ATG9B: variants seen among roughly 807,000 people sequenced by gnomAD.
ATG9B encodes autophagy related 9B.
In ATG9B, 92 loss-of-function variants were observed where a neutral mutation model predicts 92.9. That is an observed-to-expected ratio of 0.99 (90% CI 0.84 to 1.18). The LOEUF (loss-of-function observed/expected upper bound fraction) is 1.18. ATG9B is among the 50% of genes most tolerant of loss of function. The probability of loss-of-function intolerance (pLI) is 0.00; values close to 1 mark genes in which losing one functional copy is unlikely to be tolerated. For synonymous variants in ATG9B, 599 were observed against 551.4 expected, an observed-to-expected ratio of 1.09 and a Z score of -1.21; for missense variants, 1,344 against 1,235.0, an observed-to-expected ratio of 1.09 and a Z score of -1.32.
intron 4 of ATG9B, 51 bp from the exon 5 acceptor site, chr7:151,021,380 G>C (rs1258268816): frequency 1.3e-6 from 2 of 1,525,370 alleles, no homozygotes; most frequent in South Asian, 2.6e-5. Flanking sequence ...GCCTGAGAAA[G>C]AGGCAGACCA....
rs1340750250 is a variant in ATG9B at position 151,018,128 on chromosome 7, G to A, written c.1873-78C>T. 3.4e-6 allele frequency: 5 copies of A among 1,479,188 alleles called. No homozygotes were observed. Among genetic ancestry groups the A allele is most frequent in the South Asian group, 1.4e-5 (1 of 72,772 alleles). 91.6% of individuals were successfully genotyped at this position (1,479,188 alleles called of 1,614,324 possible). A position where few individuals can be genotyped will look rare whatever the true frequency, so the allele number is the denominator to read the frequency against. On this transcript the variant is annotated intron_variant, in intron 7 of 13. Coordinates refer to ENST00000639579, the MANE Select transcript of ATG9B (RefSeq NM_001317056.2). The surrounding 1 kb of genome is among the most constrained non-coding windows in gnomAD (Gnocchi z 4.7). ...TTATCAGGACCAAGCAGTCCCCAGC[G>A]ACCCTCGCCAGGGCAAGAAGCCTCC...
downstream of ATG9B, chr7:151,012,265 G>T (rs896866355): frequency 5.0e-5 from 59 of 1,188,800 alleles, 1 homozygote; most frequent in South Asian, 8.8e-4. Context: ...AAGAACTTGG[G>T]TCCTCCTTGC....
At chr7:151,013,846 C>T (rs529588969), downstream of ATG9B, 52 of 1,605,750 alleles carry the variant, frequency 3.2e-5, no homozygotes, top group South Asian at 5.2e-4. Flanking sequence ...TCCTGCAGAC[C>T]GTGCAGCGCA....
chr7:151,017,347 C>G (rs990421143), intron 8 of ATG9B, 75 bp from the exon 9 acceptor site: 45 of 1,383,882 alleles, frequency 3.3e-5, no homozygotes, highest in Non-Finnish European at 4.4e-5. Flanking sequence ...GAAACACTGC[C>G]CCATCTTCCA....
In ATG9B at chr7:151,023,192, A is replaced by C; in HGVS notation, c.674T>G (p.Ile225Ser). Residue 225 changes from isoleucine to serine, a missense_variant, in exon 4 of 14, where the codon ATT becomes AGT. Transcript: ENST00000639579. ...DVFQLGQFIF[I>S]VTFTTFLLRC... ...AAGGAGGAAGGTTGTGAAGGTGACA[A>C]TGAAAATAAATTGTCTGCCGGGAGG... 6.2e-7 allele frequency: 1 copy of C among 1,614,188 alleles called. No individual in the cohort carries two copies. The highest frequency in any genetic ancestry group is 8.5e-7 in the Non-Finnish European group (1 of 1,180,038).
chr7:151,013,397 C>G (rs776251354), downstream of ATG9B: 2 of 1,603,498 alleles, frequency 1.2e-6, no homozygotes, highest in Admixed American at 3.4e-5. Context: ...ACCCTGAGGG[C>G]GCAATGGTAA....
In ATG9B at chr7:151,016,182, G is replaced by T. The variant is rs3918219; in HGVS notation, c.2574C>A (p.Ile858=). Residue 858 remains isoleucine, a synonymous_variant, in exon 12 of 14, where the codon ATC becomes ATA. Coordinates refer to ENST00000639579, the MANE Select transcript of ATG9B (RefSeq NM_001317056.2). The part of the protein sequence containing the change: ...QEPWGEAAAS[I]LSRPCSSPSQ... ...AGGGGCTGGAGCAGGGCCTGGACAG[G>T]ATGGAGGCTGCAGCCTCACCCCACG... 5 of 1,528,116 alleles carry T rather than the reference G, an allele frequency of 3.3e-6. No individual in the cohort carries two copies. Among genetic ancestry groups the T allele is most frequent in the Non-Finnish European group, 4.4e-6 (5 of 1,134,512 alleles). 94.7% of individuals were successfully genotyped at this position (1,528,116 alleles called of 1,614,324 possible).
In ATG9B at chr7:151,017,062, C is replaced by T; in HGVS notation, c.2263G>A (p.Val755Met). 6.2e-7 allele frequency: 1 copy of T among 1,601,082 alleles called. No individual in the cohort carries two copies. Among genetic ancestry groups the T allele is most frequent in the African/African-American group, 1.3e-5 (1 of 74,752 alleles). ...AGGGGCGAGGTGCAGTTGCTGAGCA[C>T]CCCCGGGGTGGAGGGGCCGCGAGCC... Reference protein sequence around the residue: ...TSARGPSTPGVLSNCTSPLPE... With the variant: ...TSARGPSTPGMLSNCTSPLPE... Residue 755 changes from valine to methionine, a missense_variant, in exon 9 of 14, where the codon GTG (valine) becomes ATG (methionine). By Grantham distance (21) the Val-to-Met change is conservative. Transcript: ENST00000639579.
chr7:151,014,201 A>T (rs1368835761), downstream of ATG9B: 3 of 1,574,412 alleles, frequency 1.9e-6, no homozygotes, highest in African/African-American at 4.0e-5. Flanking sequence ...CAGTTCCGGG[A>T]GAGCGGCTGC....
In ATG9B at chr7:151,023,966, C is replaced by A; in HGVS notation, c.458G>T (p.Arg153Leu). 1 of 1,590,094 alleles carries A rather than the reference C, an allele frequency of 6.3e-7. No individual in the cohort carries two copies. Among genetic ancestry groups the A allele is most frequent in the Non-Finnish European group, 8.6e-7 (1 of 1,168,276 alleles). ...CCCCTCAGGGTCACAGTCCTCCAGC[C>A]GCTCATAATCCTGTTCAGGGATCAA... is the stretch of plus-strand genomic sequence containing the variant. Reference protein sequence around the residue: ...GPLIPEQDYERLEDCDPEGSQ... With the variant: ...GPLIPEQDYELLEDCDPEGSQ... Residue 153 changes from arginine (R) to leucine (L), a missense_variant, in exon 1 of 14, where the codon CGG (arginine) becomes CTG (leucine). Physicochemically the swap from Arg to Leu is moderately radical, Grantham distance 102 (BLOSUM62 -2). Transcript: ENST00000639579.
At chr7:151,014,040 G>A (rs139120796), downstream of ATG9B, 33 of 1,613,416 alleles carry the variant, frequency 2.0e-5, no homozygotes, top group African/African-American at 4.3e-4. Context: ...ACATTTTCGG[G>A]CTCACGCTGC....
At chr7:151,012,940 C>T (rs1419666434), downstream of ATG9B, 1 of 455,100 alleles carries the variant, frequency 2.2e-6, no homozygotes, top group Non-Finnish European at 3.9e-6. Flanking sequence ...AAGGGGACTG[C>T]GATGTCACAC....
chr7:151,016,948 TTAC>T (rs1795517516), intron 9 of ATG9B, 85 bp downstream of exon 9: 10 of 1,499,604 alleles, frequency 6.7e-6, no homozygotes, highest in Non-Finnish European at 9.0e-6. Context: ...GTGAGGCAGG[TTAC>T]TACCTAAGGT....
chr7:151,016,786 AG>A lies in ATG9B; in HGVS notation c.2324del (p.Pro775LeufsTer8). On this transcript the variant is annotated frameshift_variant, in exon 10 of 14. Transcript: ENST00000639579. LOFTEE classifies it high-confidence loss of function. The part of the protein sequence containing the change: ...EAFLANLFVH[P>X]LLPPRDLSPT... The stretch of plus-strand genomic sequence containing the variant: ...GGCTCAGATCTCTCGGAGGCAGGAG[AG>A]GGTGCACGAAGAGGTTGGCCAGGAA... 1 of 1,612,046 alleles carries A rather than the reference AG, an allele frequency of 6.2e-7. No individual in the cohort carries two copies.
At chr7:151,013,418 G>T, downstream of ATG9B, 2 of 1,582,692 alleles carry the variant, frequency 1.3e-6, no homozygotes, top group Non-Finnish European at 1.7e-6. Flanking sequence ...CCTGAAGATA[G>T]GGAGAGAGGG....
rs1795744826 is a variant in ATG9B at position 151,021,427 on chromosome 7, G to GTT, written c.822-99_822-98insAA. ...TGAGGAAAAACCATCATGAGGAGGG[G>GTT]GATCTAGCTAGACCAGCAGCTCTCA... On this transcript the variant is annotated intron_variant, in intron 4 of 13. Transcript: ENST00000639579. 4 of 1,447,588 alleles carry GTT rather than the reference G, an allele frequency of 2.8e-6. No homozygotes were observed. The African/African-American group carries it at 4.3e-5, about 15-fold the overall frequency. The allele number at this position is 1,447,588 out of a possible 1,614,324, so 89.7% of individuals were successfully genotyped here.
At position 151,018,543 on chromosome 7, in the gene ATG9B, G is replaced by T. The variant is rs922352232; in HGVS notation, c.1718+77C>A. 1 of 1,532,554 alleles carries T rather than the reference G, an allele frequency of 6.5e-7. No individual in the cohort carries two copies. The highest frequency in any genetic ancestry group is 2.0e-5 in the Admixed American group (1 of 50,980). 94.9% of individuals were successfully genotyped at this position (1,532,554 alleles called of 1,614,324 possible). On this transcript the variant is annotated intron_variant, in intron 6 of 13. Coordinates refer to ENST00000639579, the MANE Select transcript of ATG9B (RefSeq NM_001317056.2). This position sits in a 1 kb window ranked among gnomAD's most constrained non-coding sequence, Gnocchi z 4.7. ...GGGCCCCAGTGGTGGGAGAGGTAAG[G>T]ATTCGGGGGGAACCTCACATGGCCC... is the stretch of plus-strand genomic sequence containing the variant.
intron 9 of ATG9B, 68 bp from the exon 10 acceptor site, chr7:151,016,889 G>A (rs2117155009): frequency 1.3e-6 from 2 of 1,552,522 alleles, no homozygotes; most frequent in East Asian, 2.3e-5. Context: ...GAGTAGGGAG[G>A]AAGCAGAGGC....
Position 151,024,133 on chromosome 7 carries a change from G to A in ATG9B, c.291C>T (p.Pro97=). ...TCATTGCAGGTTGAGCCTGTGTTGGGGGGGTGGCTGGGATAGGGAGAGCAC... is the reference window on the plus strand; with the variant it reads ...TCATTGCAGGTTGAGCCTGTGTTGGAGGGGTGGCTGGGATAGGGAGAGCAC... ...CHSALPIPAT[P]PTQAQPAMTP... The change falls in exon 1 of 14, where the codon CCC becomes CCT. Residue 97 remains proline, a synonymous_variant. Transcript: ENST00000639579. The A allele has an allele frequency of 1.9e-6, 3 of 1,589,388 alleles. No homozygotes were observed. The highest frequency in any genetic ancestry group is 2.6e-6 in the Non-Finnish European group (3 of 1,166,872).
Sources: gnomAD v4.1 joint callset for allele counts on GRCh38, gnomAD v4.1.1 for gene constraint, Gnocchi (gnomAD v3.1) non-coding constraint, MANE v1.5 for transcripts, NCBI Gene and HGNC (gene_info 2026-07-23, HGNC 2026-07-21) for gene names.